Variants in SOX5 observed in about 807,000 individuals in gnomAD.
The protein encoded by SOX5 is transcription factor SOX-5.
SOX5 carries 9 observed loss-of-function variants against 92.0 expected under a neutral mutation model. The observed-to-expected ratio is 0.10, with a 90% CI of 0.06 to 0.17. The LOEUF (loss-of-function observed/expected upper bound fraction) is 0.17. Ranked by LOEUF, SOX5 falls within the 10% of genes least tolerant of loss-of-function variation. The pLI is 1.00. For synonymous variants in SOX5, 344 were observed against 336.3 expected, an observed-to-expected ratio of 1.02 and a Z score of -0.25; for missense variants, 642 against 944.5, an observed-to-expected ratio of 0.68 and a Z score of 4.20.
chr12:24,295,161 T>TAA (rs1445508084), intron 2 of SOX5, among the ~76,000 whole-genome samples: 2 of 152,080 alleles, frequency 1.3e-5, no homozygotes, highest in Non-Finnish European at 2.9e-5. Flanking sequence ...TGAGTAAATA[T>TAA]AAGTATATAT....
chr12:23,896,045 G>A (rs774513140), intron 1 of SOX5, 21 bp from the exon 2 acceptor site: 1 of 1,493,822 alleles, frequency 6.7e-7, no homozygotes, highest in South Asian at 1.1e-5. Context: ...CAAAAGAGGA[G>A]AAAATAATGA....
chr12:24,559,147 C>T (rs12831008), intron 1 of SOX5, among the ~76,000 whole-genome samples: 28,802 of 152,112 alleles, frequency 0.19, 2,960 homozygotes, highest in African/African-American at 0.27. Flanking sequence ...TTGAAACAGC[C>T]AAGCACTTTC....
intron 9 of SOX5, among the ~76,000 whole-genome samples, chr12:23,590,688 C>T (rs1566095339): frequency 6.6e-6 from 1 of 151,846 alleles, no homozygotes; most frequent in Admixed American, 6.6e-5. Context: ...TTTATTCTAC[C>T]AAAGTGTCCA....
intron 1 of SOX5, among the ~76,000 whole-genome samples, chr12:24,550,678 T>G (rs560790494): frequency 6.6e-5 from 10 of 152,202 alleles, no homozygotes; most frequent in African/African-American, 9.6e-5. Context: ...TATTTCTTTT[T>G]CCTCCAAGGA....
At chr12:24,446,773 T>C (rs1488188302) in intron 1 of SOX5, among the ~76,000 whole-genome samples, 1 of 152,118 alleles carries the variant, frequency 6.6e-6, no homozygotes, top group African/African-American at 2.4e-5. Flanking sequence ...ATATATGTTT[T>C]ATATCAACAA....
Position 23,671,434 on chromosome 12 carries a change from C to G in SOX5, c.811-5870G>C, listed in dbSNP as rs1281283925. 3.3e-5 allele frequency among the ~76,000 whole-genome samples: 5 copies of G among 152,168 alleles called. No homozygotes were observed. The East Asian group carries it at 9.7e-4, about 29-fold the overall frequency. ...GCAGCTGTTTAGAAGCACACAGCAA[C>G]AATACACAGCAGTTTCTGAGCAAAT... On this transcript the variant is annotated intron_variant, in intron 6 of 14. Transcript: ENST00000451604.
intron 2 of SOX5, among the ~76,000 whole-genome samples, chr12:23,847,268 T>A (rs2096585684): frequency 6.6e-6 from 1 of 152,148 alleles, no homozygotes; most frequent in African/African-American, 2.4e-5. Context: ...TAAAAATATT[T>A]CTTAATTCTA....
At position 24,004,851 on chromosome 12, in the gene SOX5, T is replaced by C. The variant is rs573722379; in HGVS notation, c.-1-108827A>G. Among the ~76,000 whole-genome samples, 6 of 152,082 alleles carry C rather than the reference T, an allele frequency of 3.9e-5. No homozygotes were observed. In the South Asian group the frequency reaches 1.2e-3, roughly 32 times the overall value. ...ATTAGTCACAATAGACCAAAAAAAA[T>C]TGAAAAATAATCCAGATTTTCATCA... On this transcript the variant is annotated intron_variant, in intron 4 of 4. Transcript: ENST00000446891.
At chr12:23,723,810 TTTAG>T (rs377706976) in intron 6 of SOX5, among the ~76,000 whole-genome samples, 105 of 152,090 alleles carry the variant, frequency 6.9e-4, no homozygotes, top group African/African-American at 2.1e-3. Flanking sequence ...CATTAGTTAT[TTTAG>T]TTAAACATTT....
intron 3 of SOX5, among the ~76,000 whole-genome samples, chr12:23,774,225 A>G (rs1050572223): frequency 1.3e-5 from 2 of 152,214 alleles, no homozygotes; most frequent in South Asian, 4.1e-4. Flanking sequence ...AATAACTGAA[A>G]TAATTATTTA....
At chr12:24,424,970 C>T (rs1966535903) in intron 1 of SOX5, among the ~76,000 whole-genome samples, 3 of 151,862 alleles carry the variant, frequency 2.0e-5, no homozygotes, top group South Asian at 2.1e-4. Context: ...ATAATCAGTA[C>T]GATAAGTGGC....
chr12:24,180,270 G>A (rs536704271), intron 4 of SOX5, among the ~76,000 whole-genome samples: 28 of 152,010 alleles, frequency 1.8e-4, no homozygotes, highest in African/African-American at 6.3e-4. Context: ...ACCATTTTAC[G>A]GCTTCTCCCT....
intron 1 of SOX5, among the ~76,000 whole-genome samples, chr12:24,423,957 A>G (rs1334777642): frequency 6.6e-6 from 1 of 152,218 alleles, no homozygotes; most frequent in Non-Finnish European, 1.5e-5. Flanking sequence ...CATCTTTGGC[A>G]GGAAAATTCA....
At chr12:23,772,481 C>A (rs2094964633) in intron 3 of SOX5, among the ~76,000 whole-genome samples, 1 of 152,134 alleles carries the variant, frequency 6.6e-6, no homozygotes, top group African/African-American at 2.4e-5. Context: ...ACGTGTATGT[C>A]TTTTGTTTAT....
intron 4 of SOX5, among the ~76,000 whole-genome samples, chr12:24,127,761 C>T (rs1287462579): frequency 6.6e-6 from 1 of 152,164 alleles, no homozygotes; most frequent in African/African-American, 2.4e-5. Flanking sequence ...CCCAATACCA[C>T]CTCACCCCAC....
intron 3 of SOX5, among the ~76,000 whole-genome samples, chr12:24,246,837 G>A (rs1938863260): frequency 6.6e-6 from 1 of 151,988 alleles, no homozygotes; most frequent in African/African-American, 2.4e-5. Flanking sequence ...AAAGCCTTGA[G>A]ACAGCTTATA....
At chr12:24,213,496 C>T (rs1958883492) in intron 3 of SOX5, 1 of 142,914 alleles carries the variant, frequency 7.0e-6, no homozygotes, top group Admixed American at 6.9e-5. Context: ...AGTGAGAAAT[C>T]AGAGTAATTC....
At chr12:23,824,185 G>A (rs1234332573) in intron 3 of SOX5, among the ~76,000 whole-genome samples, 1 of 152,152 alleles carries the variant, frequency 6.6e-6, no homozygotes, top group Non-Finnish European at 1.5e-5. Flanking sequence ...ATCCTTTGTA[G>A]GAGAAGAGCC....
rs77141930 is a variant in SOX5 at position 23,644,971 on chromosome 12, A to T, written c.932-4074T>A. On this transcript the variant is annotated intron_variant, in intron 7 of 14. Coordinates refer to ENST00000451604, the MANE Select transcript of SOX5 (RefSeq NM_006940.6). ...GTGGTACTCTTCACAGTGAAAATTCATTTTTTATTATTTATTTTCCCTATT... is the reference window on the plus strand; with the variant it reads ...GTGGTACTCTTCACAGTGAAAATTCTTTTTTTATTATTTATTTTCCCTATT... Among the ~76,000 whole-genome samples the T allele has an allele frequency of 6.2e-3, 941 of 152,306 alleles. 11 individuals are homozygous for T. The highest frequency in any genetic ancestry group is 0.021 in the African/African-American group (893 of 41,576).
Sources: gnomAD v4.1 joint callset for allele counts (sites outside exome capture counted in the v4.1 genomes callset) on GRCh38, gnomAD v4.1.1 for gene constraint, MANE v1.5 for transcripts, NCBI Gene and HGNC (gene_info 2026-07-23, HGNC 2026-07-21) for gene names.